Variants in ANKRD31 observed in about 807,000 individuals in gnomAD.
ANKRD31 encodes ankyrin repeat domain 31, also known as ankyrin repeat domain-containing protein 31.
ANKRD31 carries 147 observed loss-of-function variants against 186.0 expected under a neutral mutation model. The observed-to-expected ratio is 0.79, with a 90% CI of 0.69 to 0.91. The LOEUF (loss-of-function observed/expected upper bound fraction) is 0.91. Among genes scored for constraint, ANKRD31 ranks in the 40% least tolerant of loss-of-function variants. The pLI, the probability that ANKRD31 is intolerant of heterozygous loss-of-function variation, is 0.00. For missense variants in ANKRD31, 1,986 were observed against 2,148.8 expected (o/e 0.92, Z 1.50); for synonymous variants, 673 against 736.4 (o/e 0.91, Z 1.39).
At chr5:75,080,138 T>A (rs1744972667) in intron 25 of ANKRD31, among the ~76,000 whole-genome samples, 1 of 151,934 alleles carries the variant, frequency 6.6e-6, no homozygotes, top group Admixed American at 6.6e-5. Flanking sequence ...AAGGAGATAG[T>A]ATTAACTAAC....
intron 11 of ANKRD31, among the ~76,000 whole-genome samples, chr5:75,160,864 T>C (rs1009539057): frequency 6.6e-6 from 1 of 152,188 alleles, no homozygotes; most frequent in African/African-American, 2.4e-5. Flanking sequence ...CTATTTCTCT[T>C]GGTTCTCATT....
intron 10 of ANKRD31, among the ~76,000 whole-genome samples, chr5:75,181,627 C>T (rs1275203725): frequency 6.6e-5 from 10 of 150,736 alleles, no homozygotes; most frequent in Non-Finnish European, 1.3e-4. Context: ...AGCAAACTAT[C>T]GCAAGGACAA....
intron 25 of ANKRD31, among the ~76,000 whole-genome samples, chr5:75,076,286 G>A (rs925936657): frequency 7.9e-5 from 12 of 152,124 alleles, no homozygotes; most frequent in Admixed American, 6.6e-4. Context: ...TTACTGGGTT[G>A]CCCACAATTC....
intron 23 of ANKRD31, among the ~76,000 whole-genome samples, chr5:75,089,433 C>G (rs1285027303): frequency 6.6e-6 from 1 of 152,180 alleles, no homozygotes; most frequent in Non-Finnish European, 1.5e-5. Flanking sequence ...TCCCATACCA[C>G]CCCCACCACT....
At chr5:75,207,286 T>G (rs1379960672) in intron 4 of ANKRD31, among the ~76,000 whole-genome samples, 1 of 152,190 alleles carries the variant, frequency 6.6e-6, no homozygotes, top group Admixed American at 6.5e-5. Context: ...AAGCTATTCA[T>G]GTAGAATGAT....
chr5:75,142,800 T>C (rs560677061), intron 15 of ANKRD31, among the ~76,000 whole-genome samples: 9 of 152,126 alleles, frequency 5.9e-5, no homozygotes, highest in Non-Finnish European at 1.3e-4. Flanking sequence ...GATGTCACTA[T>C]CTAAAATTCT....
intron 17 of ANKRD31, among the ~76,000 whole-genome samples, chr5:75,129,168 CCTCT>C (rs897096753): frequency 6.6e-6 from 1 of 152,144 alleles, no homozygotes. Context: ...CACCCCCTTC[CCTCT>C]CTGTCTCTGC....
rs1234385667 is a variant in ANKRD31 at position 75,117,598 on chromosome 5, A to C, written c.4039+537T>G. ...TCCCTCATGGTGAGAATATAGATAC[A>C]TTCCTGAGTATCTTCTTCTATGAGT... On this transcript the variant is annotated intron_variant, in intron 18 of 25. Transcript: ENST00000506364. Among the ~76,000 whole-genome samples, 3 of 152,066 alleles carry C rather than the reference A, an allele frequency of 2.0e-5. No individual in the cohort carries two copies. In the East Asian group the frequency reaches 5.8e-4, roughly 29 times the overall value.
At chr5:75,073,085 C>T (rs901505073) in intron 25 of ANKRD31, among the ~76,000 whole-genome samples, 1 of 152,146 alleles carries the variant, frequency 6.6e-6, no homozygotes. Context: ...GCAAGGTGGA[C>T]TTGTGGGCAT....
At chr5:75,136,579 G>T (rs1388529763) in intron 17 of ANKRD31, among the ~76,000 whole-genome samples, 2 of 152,224 alleles carry the variant, frequency 1.3e-5, no homozygotes, top group East Asian at 3.8e-4. Context: ...CTGTAAACTA[G>T]TTCAACCATT....
chr5:75,185,815 C>G (rs928479459), intron 10 of ANKRD31, among the ~76,000 whole-genome samples: 2 of 151,252 alleles, frequency 1.3e-5, no homozygotes, highest in Non-Finnish European at 1.5e-5. Context: ...GTTTATAATA[C>G]ACTATATATT....
intron 3 of ANKRD31, among the ~76,000 whole-genome samples, chr5:75,218,878 A>C (rs948270272): frequency 6.6e-6 from 1 of 152,188 alleles, no homozygotes; most frequent in Non-Finnish European, 1.5e-5. Context: ...ATAAAAGACA[A>C]AAACCACATG....
At chr5:75,227,432 G>A (rs1422095200) in intron 2 of ANKRD31, among the ~76,000 whole-genome samples, 1 of 152,090 alleles carries the variant, frequency 6.6e-6, no homozygotes, top group South Asian at 2.1e-4. Flanking sequence ...TAATTGGATT[G>A]TTTGAAACAT....
At chr5:75,071,504 T>TG (rs1197969783) in intron 25 of ANKRD31, among the ~76,000 whole-genome samples, 4 of 150,086 alleles carry the variant, frequency 2.7e-5, no homozygotes, top group Non-Finnish European at 4.5e-5. Flanking sequence ...TTTGTTTTTT[T>TG]TTTTTTTTGA....
At chr5:75,165,894 A>G (rs984065740) in intron 11 of ANKRD31, among the ~76,000 whole-genome samples, 3 of 152,214 alleles carry the variant, frequency 2.0e-5, no homozygotes, top group Non-Finnish European at 4.4e-5. Flanking sequence ...TCAAATTAAA[A>G]CTTTCTATAA....
At chr5:75,147,643 G>T in intron 13 of ANKRD31, 138 bp from the exon 14 acceptor site, 2 of 687,078 alleles carry the variant, frequency 2.9e-6, no homozygotes, top group South Asian at 2.8e-5. Flanking sequence ...GATCCTGCTG[G>T]GATATAGCCA....
chr5:75,222,166 G>A, intron 3 of ANKRD31, 83 bp downstream of exon 3: 1 of 977,570 alleles, frequency 1.0e-6, no homozygotes, highest in South Asian at 2.0e-5. Context: ...TAGACAAAAA[G>A]AATTATCATT....
intron 3 of ANKRD31, among the ~76,000 whole-genome samples, chr5:75,213,109 A>T (rs1427407205): frequency 6.6e-6 from 1 of 152,164 alleles, no homozygotes; most frequent in African/African-American, 2.4e-5. Flanking sequence ...CATTAGTTTC[A>T]CACATATATA....
intron 10 of ANKRD31, among the ~76,000 whole-genome samples, chr5:75,179,215 C>T (rs989443226): frequency 4.6e-5 from 7 of 152,022 alleles, no homozygotes; most frequent in African/African-American, 1.2e-4. Context: ...AGACCAATAA[C>T]AGGCTCTGAA....
Sources: gnomAD v4.1 joint callset for allele counts (sites outside exome capture counted in the v4.1 genomes callset) on GRCh38, gnomAD v4.1.1 for gene constraint, MANE v1.5 for transcripts, NCBI Gene and HGNC (gene_info 2026-07-23, HGNC 2026-07-21) for gene names.